Variants in CCDC57 observed in about 807,000 individuals in gnomAD.
CCDC57 encodes coiled-coil domain-containing protein 57.
In CCDC57, 118 loss-of-function variants were observed where a neutral mutation model predicts 118.9. That is an observed-to-expected ratio of 0.99 (90% CI 0.86 to 1.16). The LOEUF (loss-of-function observed/expected upper bound fraction) is 1.16. Among genes scored for constraint, CCDC57 ranks in the 50% most tolerant of loss-of-function variants. The pLI, the probability that CCDC57 is intolerant of heterozygous loss-of-function variation, is 0.00. For missense variants in CCDC57, 1,300 were observed against 1,320.7 expected, an observed-to-expected ratio of 0.98 and a Z score of 0.24; for synonymous variants, 527 against 532.9, an observed-to-expected ratio of 0.99 and a Z score of 0.15.
chr17:82,174,582 C>A (rs2045223980), intron 11 of CCDC57, among the ~76,000 whole-genome samples: 1 of 152,142 alleles, frequency 6.6e-6, no homozygotes, highest in African/African-American at 2.4e-5. Context: ...TTCAAAGGAG[C>A]CCAATTAACT....
chr17:82,179,172 G>A lies in CCDC57; in HGVS notation c.1229C>T (p.Ser410Phe), dbSNP rs756028203. The change falls in exon 10 of 20, where the codon TCC becomes TTC. Residue 410 changes from serine to phenylalanine, a missense_variant. Physicochemically the swap from Ser to Phe is radical, Grantham distance 155. Transcript: ENST00000665763. ...GCTCCGCTCCCTTTCCACTGCCAGG[G>A]ACAGCTGTTGCTTGTACCTAAGGAC... is the stretch of plus-strand genomic sequence containing the variant. 4 of 1,613,762 alleles carry A rather than the reference G, an allele frequency of 2.5e-6. No homozygotes were observed. In the East Asian group the frequency reaches 6.7e-5, roughly 27 times the overall value.
chr17:82,107,756 C>T (rs957420179), intron 19 of CCDC57: 10 of 374,230 alleles, frequency 2.7e-5, no homozygotes, highest in East Asian at 7.3e-5. Flanking sequence ...GGCTGGAAGT[C>T]GTGGACCGGC....
rs112794366 is a variant in CCDC57, at chr17:82,201,185, TAC to T, written c.407+351_407+352del. Among the ~76,000 whole-genome samples, 32 of 152,356 alleles carry T rather than the reference TAC, an allele frequency of 2.1e-4. 2 individuals are homozygous for T. The highest frequency in any genetic ancestry group is 7.2e-4 in the African/African-American group (30 of 41,566). Reference sequence around the variant, plus strand: ...TCAGCTCATTTAGTTTTGAAATTACTACAGACTTCCATTAAAATCATTATAAA... The same window carrying T: ...TCAGCTCATTTAGTTTTGAAATTACTAGACTTCCATTAAAATCATTATAAA... On this transcript the variant is annotated intron_variant, in intron 3 of 19. Transcript: ENST00000665763.
intron 1 of CCDC57, among the ~76,000 whole-genome samples, chr17:82,211,978 C>T (rs919163502): frequency 4.6e-5 from 7 of 152,118 alleles, no homozygotes; most frequent in African/African-American, 1.4e-4. Flanking sequence ...TAACTTTTTG[C>T]CTATTCTGCT....
At chr17:82,139,614 C>G (rs1224017740) in intron 16 of CCDC57, among the ~76,000 whole-genome samples, 2 of 152,224 alleles carry the variant, frequency 1.3e-5, no homozygotes, top group African/African-American at 2.4e-5. Flanking sequence ...CCTCATTCTC[C>G]CAAAGTGCTG....
chr17:82,192,147 G>A lies in CCDC57; in HGVS notation c.851+1609C>T, dbSNP rs1325470761. Among the ~76,000 whole-genome samples the A allele has an allele frequency of 9.9e-5, 15 of 151,894 alleles. No homozygotes were observed. Among genetic ancestry groups the A allele is most frequent in the Admixed American group, 5.9e-4 (9 of 15,230 alleles). On this transcript the variant is annotated intron_variant, in intron 7 of 19. Coordinates refer to ENST00000665763, the Ensembl canonical transcript of CCDC57. The surrounding 1 kb of genome is among the most constrained non-coding windows in gnomAD (Gnocchi z 4.0). ...ATTACAGGCGTGCACCACCACGCCCGGCTAATTTTGTATTTTTCGTAGAGA... is the reference window on the plus strand; with the variant it reads ...ATTACAGGCGTGCACCACCACGCCCAGCTAATTTTGTATTTTTCGTAGAGA...
chr17:82,198,389 T>C (rs1286286212), exon 4 of CCDC57: 2 of 1,613,170 alleles, frequency 1.2e-6, no homozygotes, highest in South Asian at 1.1e-5. Flanking sequence ...TTTCATACTG[T>C]TCCCGGTGGT....
At chr17:82,178,065 A>G (rs1194374590) in intron 11 of CCDC57, among the ~76,000 whole-genome samples, 1 of 152,132 alleles carries the variant, frequency 6.6e-6, no homozygotes, top group Non-Finnish European at 1.5e-5. Flanking sequence ...GAGTGGAGGG[A>G]TTTCAAGGCC....
At chr17:82,206,330 C>T (rs2049637296) in intron 2 of CCDC57, among the ~76,000 whole-genome samples, 1 of 152,240 alleles carries the variant, frequency 6.6e-6, no homozygotes, top group South Asian at 2.1e-4. Context: ...GTTCCTGGCT[C>T]ATAACTCTCA....
At chr17:82,143,820 C>G (rs895822587) in intron 16 of CCDC57, among the ~76,000 whole-genome samples, 2 of 151,732 alleles carry the variant, frequency 1.3e-5, no homozygotes, top group Non-Finnish European at 2.9e-5. Context: ...TTCCCCAGGC[C>G]GGGCGCAGTG....
intron 13 of CCDC57, among the ~76,000 whole-genome samples, chr17:82,168,549 G>A (rs2044277189): frequency 6.6e-6 from 1 of 152,146 alleles, no homozygotes; most frequent in Non-Finnish European, 1.5e-5. Context: ...AGTGAGCCGA[G>A]ATTGTGCCAC....
rs545115741 is a variant in CCDC57, at chr17:82,140,539, C to T, written c.2456-6345G>A. Among the ~76,000 whole-genome samples, 9 of 152,298 alleles carry T rather than the reference C, an allele frequency of 5.9e-5. No individual in the cohort carries two copies. In the South Asian group the frequency reaches 8.3e-4, roughly 14 times the overall value. On this transcript the variant is annotated intron_variant, in intron 16 of 19. Transcript: ENST00000665763. Reference sequence around the variant, plus strand: ...CCCGGCCAGGGATATCTTACTCTCCCGGCCTGAGTCCTCCAGAATTCAGAA... The same window carrying T: ...CCCGGCCAGGGATATCTTACTCTCCTGGCCTGAGTCCTCCAGAATTCAGAA...
At chr17:82,166,846 G>T (rs575345028) in intron 13 of CCDC57, among the ~76,000 whole-genome samples, 1 of 152,116 alleles carries the variant, frequency 6.6e-6, no homozygotes, top group Admixed American at 6.5e-5. Flanking sequence ...AGCCCAGGGG[G>T]TCAAGGCTGC....
exon 19 of CCDC57, chr17:82,127,893 G>A (rs1434182500): frequency 5.0e-6 from 8 of 1,612,256 alleles, no homozygotes; most frequent in Non-Finnish European, 6.8e-6. Context: ...GTCACCGTGT[G>A]GATGCTGTGT....
intron 17 of CCDC57, 22 bp from the exon 17 acceptor site, chr17:82,128,619 G>C (rs1339144067): frequency 2.1e-5 from 32 of 1,535,564 alleles, no homozygotes; most frequent in Non-Finnish European, 2.6e-5. Context: ...ATTTAAATGA[G>C]AGGACTCTGG....
At chr17:82,150,425 CCGCACCTAGAACCAGGCA>C (rs2041794785) in intron 16 of CCDC57, among the ~76,000 whole-genome samples, 2 of 106,896 alleles carry the variant, frequency 1.9e-5, no homozygotes, top group Non-Finnish European at 3.7e-5. Context: ...AGAACCTGAC[CCGCACCTAGAACCAGGCA>C]CACACCCAGA....
intron 8 of CCDC57, among the ~76,000 whole-genome samples, chr17:82,186,497 T>C (rs893763754): frequency 3.9e-5 from 6 of 152,152 alleles, no homozygotes; most frequent in Admixed American, 6.5e-5. Context: ...GTGCCTCCCA[T>C]GCATGGCGTC....
At chr17:82,204,851 GTCGC>G (rs1318507098) in intron 2 of CCDC57, among the ~76,000 whole-genome samples, 1 of 152,208 alleles carries the variant, frequency 6.6e-6, no homozygotes, top group African/African-American at 2.4e-5. Context: ...GCTCCTGCCT[GTCGC>G]TGCCACGTGC....
chr17:82,172,258 C>G lies in CCDC57; in HGVS notation c.1729+380G>C, dbSNP rs901652997. ...TGGGGTCCCTGGGGGTCGGGAGGCC[C>G]TCATCAGCTCTGCCACAGACGCTCC... On this transcript the variant is annotated intron_variant, in intron 12 of 19. Transcript: ENST00000665763. This position sits in a 1 kb window ranked among gnomAD's most constrained non-coding sequence, Gnocchi z 5.2. 6.6e-6 allele frequency among the ~76,000 whole-genome samples: 1 copy of G among 152,198 alleles called. No individual in the cohort carries two copies. Among genetic ancestry groups the G allele is most frequent in the African/African-American group, 2.4e-5 (1 of 41,456 alleles).
Sources: gnomAD v4.1 joint callset for allele counts (sites outside exome capture counted in the v4.1 genomes callset) on GRCh38, gnomAD v4.1.1 for gene constraint, Gnocchi (gnomAD v3.1) non-coding constraint, MANE v1.5 for transcripts, NCBI Gene and HGNC (gene_info 2026-07-23, HGNC 2026-07-21) for gene names.